Variants in ZFP91 observed in about 807,000 individuals in gnomAD.
The protein encoded by ZFP91 is ZFP91 zinc finger protein, atypical E3 ubiquitin ligase.
ZFP91 carries 7 observed loss-of-function variants against 63.5 expected under a neutral mutation model. The ratio of observed to expected loss-of-function variants is 0.11; its 90% CI spans 0.06 to 0.21. The LOEUF is 0.21. Ranked by LOEUF, ZFP91 falls within the 10% of genes least tolerant of loss-of-function variation. The pLI is 1.00. For synonymous variants in ZFP91, 330 were observed against 272.1 expected, an observed-to-expected ratio of 1.21 and a Z score of -2.10; for missense variants, 628 against 736.6, an observed-to-expected ratio of 0.85 and a Z score of 1.71.
chr11:58,599,805 A>G (rs993463636), intron 2 of ZFP91, among the ~76,000 whole-genome samples: 1 of 151,944 alleles, frequency 6.6e-6, no homozygotes, highest in African/African-American at 2.4e-5. Flanking sequence ...ACTTCTATGC[A>G]TTTTTTAGTG....
intron 1 of ZFP91, among the ~76,000 whole-genome samples, chr11:58,583,314 CTGAG>C (rs1318631803): frequency 6.6e-6 from 1 of 152,088 alleles, no homozygotes; most frequent in Non-Finnish European, 1.5e-5. Context: ...TTAGCTAATA[CTGAG>C]TATTTTTAGA....
intron 9 of ZFP91, among the ~76,000 whole-genome samples, chr11:58,615,379 A>G (rs1282889667): frequency 6.6e-6 from 1 of 151,830 alleles, no homozygotes; most frequent in Non-Finnish European, 1.5e-5. Flanking sequence ...GCCATAGAAA[A>G]GTTGTTTCTG....
chr11:58,593,337 T>C (rs1855340556), intron 2 of ZFP91, among the ~76,000 whole-genome samples: 1 of 152,224 alleles, frequency 6.6e-6, no homozygotes. Flanking sequence ...CAACACTGTA[T>C]ACTTAGGCTA....
In ZFP91 at chr11:58,609,767, A is replaced by G. The variant is rs1565023211; in HGVS notation, c.371-63A>G. 2.9e-6 allele frequency: 4 copies of G among 1,372,058 alleles called. 1 individual carries two copies. The South Asian group carries it at 3.6e-5, about 12-fold the overall frequency. 85.0% of individuals were successfully genotyped at this position (1,372,058 alleles called of 1,614,324 possible). On this transcript the variant is annotated intron_variant, in intron 2 of 10. Transcript: ENST00000316059. ...CTTCAACTGTATTTACAATTAGTAG[A>G]TATACAGGGATGGTTATTGGTTAAC...
Position 58,619,904 on chromosome 11 carries a change from A to G in ZFP91, c.*2198A>G, listed in dbSNP as rs1274556337. The G allele has an allele frequency of 6.6e-6, 1 of 152,224 alleles. No individual in the cohort carries two copies. The highest frequency in any genetic ancestry group is 6.5e-5 in the Admixed American group (1 of 15,276). 9.4% of individuals were successfully genotyped at this position (152,224 alleles called of 1,614,324 possible). On this transcript the variant is annotated 3_prime_UTR_variant, in exon 11 of 11. Transcript: ENST00000316059. ...CACTTTTTGACTAACTAGCATCTAT[A>G]TTCCACACTTAGCTTTTTTGTCACA...
At chr11:58,602,594 A>AAT (rs1855508830) in intron 2 of ZFP91, among the ~76,000 whole-genome samples, 2 of 152,156 alleles carry the variant, frequency 1.3e-5, no homozygotes, top group Admixed American at 1.3e-4. Context: ...GCCTGATATT[A>AAT]GTAGGGCCAC....
chr11:58,606,703 C>T (rs1235705466), intron 2 of ZFP91, among the ~76,000 whole-genome samples: 2 of 151,888 alleles, frequency 1.3e-5, no homozygotes, highest in African/African-American at 4.8e-5. Context: ...ATGTTTAGCT[C>T]CTACTTTGGT....
Position 58,610,346 on chromosome 11 carries a change from AT to A in ZFP91, c.617+14del. ...CCAGGTGGCATTAGGTAAAAAAAAC[AT>A]TAATATTTCATTTTTAAACCTTTGG... On this transcript the variant is annotated intron_variant, in intron 4 of 10. Coordinates refer to ENST00000316059, the MANE Select transcript of ZFP91 (RefSeq NM_053023.5). 1 of 1,559,108 alleles carries A rather than the reference AT, an allele frequency of 6.4e-7. No individual in the cohort carries two copies.
intron 9 of ZFP91, among the ~76,000 whole-genome samples, chr11:58,615,757 T>A (rs1855740118): frequency 1.3e-5 from 2 of 152,216 alleles, no homozygotes; most frequent in African/African-American, 4.8e-5. Context: ...ACCTGCTGAA[T>A]CAGCATATAC....
At position 58,579,396 on chromosome 11, in the gene ZFP91, G is replaced by A. The variant is rs1257288496; in HGVS notation, c.115G>A (p.Ala39Thr). ...ACAACGGCCCCCTGAGGCGGTCGCG[G>A]CGGCGCCTGCAGGGACCACTAGCAG... is the stretch of plus-strand genomic sequence containing the variant. ...PQQRPPEAVA[A>T]APAGTTSSRV... Residue 39 changes from alanine to threonine, a missense_variant, in exon 1 of 11, where the codon GCG (alanine) becomes ACG (threonine). By Grantham distance (58) the Ala-to-Thr change is moderately conservative (BLOSUM62 0). Coordinates refer to ENST00000316059, the MANE Select transcript of ZFP91 (RefSeq NM_053023.5). 2.0e-6 allele frequency: 3 copies of A among 1,472,530 alleles called. No homozygotes were observed. The highest frequency in any genetic ancestry group is 2.7e-6 in the Non-Finnish European group (3 of 1,118,350). The allele number at this position is 1,472,530 out of a possible 1,614,324, so 91.2% of individuals were successfully genotyped here. A position where few individuals can be genotyped will look rare whatever the true frequency, so the allele number is the denominator to read the frequency against.
intron 5 of ZFP91, 90 bp downstream of exon 5, chr11:58,611,144 A>C: frequency 9.0e-7 from 1 of 1,106,960 alleles, no homozygotes; most frequent in Non-Finnish European, 1.3e-6. Context: ...TGCCAAGCTA[A>C]TGGGTATAGA....
chr11:58,612,421 G>C, intron 7 of ZFP91, 93 bp downstream of exon 7: 1 of 1,326,166 alleles, frequency 7.5e-7, no homozygotes, highest in Non-Finnish European at 1.0e-6. Context: ...CTGCAGGAAT[G>C]GCTATTTAAA....
chr11:58,612,610 C>T (rs1038463846), intron 7 of ZFP91, 152 bp from the exon 8 acceptor site: 4 of 660,156 alleles, frequency 6.1e-6, no homozygotes, highest in South Asian at 2.1e-5. Context: ...ACTTCTAATA[C>T]AAATTCTGTG....
intron 2 of ZFP91, among the ~76,000 whole-genome samples, chr11:58,590,994 A>G (rs972226144): frequency 2.0e-5 from 3 of 152,086 alleles, no homozygotes; most frequent in Admixed American, 1.3e-4. Context: ...CACATATTAT[A>G]AGACATATAC....
intron 2 of ZFP91, among the ~76,000 whole-genome samples, chr11:58,606,989 A>C (rs1333258631): frequency 1.3e-5 from 2 of 152,092 alleles, no homozygotes; most frequent in South Asian, 4.2e-4. Flanking sequence ...GTAGTATTCA[A>C]TAAGATAGGC....
At chr11:58,612,548 A>C (rs1293513438) in intron 7 of ZFP91, 1 of 621,532 alleles carries the variant, frequency 1.6e-6, no homozygotes, top group Non-Finnish European at 2.8e-6. Flanking sequence ...GGGGGTCATT[A>C]GTTTATTTGT....
intron 2 of ZFP91, among the ~76,000 whole-genome samples, chr11:58,596,493 T>C (rs150103302): frequency 6.1e-4 from 93 of 152,346 alleles, no homozygotes; most frequent in African/African-American, 2.2e-3. Context: ...AATTGGAACC[T>C]TTCTGCCAGA....
chr11:58,579,662 C>G, intron 1 of ZFP91, 40 bp downstream of exon 1: 1 of 1,498,460 alleles, frequency 6.7e-7, no homozygotes, highest in Non-Finnish European at 8.9e-7. Context: ...AGACCCCCCT[C>G]TGTCCGTACG....
In ZFP91 at chr11:58,579,074, G is replaced by A. The variant is rs1478466584; in HGVS notation, c.-208G>A. On this transcript the variant is annotated 5_prime_UTR_variant, in exon 1 of 11. Transcript: ENST00000316059. ...CCCGCTGAGCGTCTGTGGCGCGCGC[G>A]CGCGCGCCGCCAGCGGTAGCGGACC... 5.3e-6 allele frequency: 2 copies of A among 375,188 alleles called. No individual in the cohort carries two copies. Among genetic ancestry groups the A allele is most frequent in the East Asian group, 4.2e-5 (1 of 23,686 alleles). 23.2% of individuals were successfully genotyped at this position (375,188 alleles called of 1,614,324 possible).
Sources: gnomAD v4.1 joint callset for allele counts (sites outside exome capture counted in the v4.1 genomes callset) on GRCh38, gnomAD v4.1.1 for gene constraint, MANE v1.5 for transcripts, NCBI Gene and HGNC (gene_info 2026-07-23, HGNC 2026-07-21) for gene names.